The following CBLN3 variants were observed in gnomAD, a reference collection of about 807,000 sequenced individuals.
CBLN3 encodes the protein cerebellin-3.
CBLN3 carries 14 observed loss-of-function variants against 17.4 expected under a neutral mutation model. The ratio of observed to expected loss-of-function variants is 0.81; its 90% CI spans 0.53 to 1.26. The LOEUF is 1.26. Ranked by LOEUF, CBLN3 falls within the 50% of genes most tolerant of loss-of-function variation. The pLI is 0.00. For synonymous variants in CBLN3, 129 were observed against 117.4 expected, an observed-to-expected ratio of 1.10 and a Z score of -0.64; for missense variants, 263 against 268.5, an observed-to-expected ratio of 0.98 and a Z score of 0.14.
At position 24,428,253 on chromosome 14, in the gene CBLN3, T is replaced by G. The variant is rs754332648; in HGVS notation, c.420+33A>C. 8.7e-6 allele frequency: 14 copies of G among 1,611,006 alleles called. No individual in the cohort carries two copies. In the South Asian group the frequency reaches 1.5e-4, roughly 18 times the overall value. Reference sequence around the variant, plus strand: ...CCCTTCTTCCCCCTCCCCACCCTCCTGAGCCGGGGATGGGGGCCAGTGCTG... The same window carrying G: ...CCCTTCTTCCCCCTCCCCACCCTCCGGAGCCGGGGATGGGGGCCAGTGCTG... On this transcript the variant is annotated intron_variant, in intron 2 of 2. Transcript: ENST00000267406.
At position 24,428,808 on chromosome 14, in the gene CBLN3, CATG is replaced by C; in HGVS notation, c.244_246del (p.His82del). The C allele has an allele frequency of 6.2e-7, 1 of 1,611,262 alleles. No individual in the cohort carries two copies. The highest frequency in any genetic ancestry group is 8.5e-7 in the Non-Finnish European group (1 of 1,178,278). On this transcript the variant is annotated inframe_deletion, in exon 1 of 3. Coordinates refer to ENST00000267406, the MANE Select transcript of CBLN3 (RefSeq NM_001039771.3). ...CCATTGCCGGTTTCCCCTGCTGGCTCATGGTGGTGGCTTCGGACCGCAGCAAAT... is the reference window on the plus strand; with the variant it reads ...CCATTGCCGGTTTCCCCTGCTGGCTCGTGGTGGCTTCGGACCGCAGCAAAT...
Position 24,429,213 on chromosome 14 carries a change from C to A in CBLN3, c.-159G>T. On this transcript the variant is annotated 5_prime_UTR_variant, in exon 1 of 3. Transcript: ENST00000267406. ...CCTGTGTCCCAGCTCTGTCCTGCCT[C>A]CCACTCTTACTCCTGCTGTCACTGC... 1 of 729,152 alleles carries A rather than the reference C, an allele frequency of 1.4e-6. No homozygotes were observed. 45.2% of individuals were successfully genotyped at this position (729,152 alleles called of 1,614,324 possible). A position where few individuals can be genotyped will look rare whatever the true frequency, so the allele number is the denominator to read the frequency against.
chr14:24,428,299 C>T lies in CBLN3; in HGVS notation c.407G>A (p.Arg136His), dbSNP rs374246081. Residue 136 changes from arginine (R) to histidine (H), a missense_variant, in exon 2 of 3, where the codon CGC (arginine) becomes CAC (histidine). Coordinates refer to ENST00000267406, the MANE Select transcript of CBLN3 (RefSeq NM_001039771.3). ...TGCTGAGGTCACCTGGACAGTTTGG[C>T]GGTTGTACACCTTCACCACATGGAA... ...FRFHVVKVYN[R>H]QTVQVSLMLN... The T allele has an allele frequency of 1.5e-5, 25 of 1,613,642 alleles. No homozygotes were observed. The highest frequency in any genetic ancestry group is 6.7e-5 in the African/African-American group (5 of 74,886).
Position 24,428,940 on chromosome 14 carries a change from C to T in CBLN3, c.115G>A (p.Val39Ile), listed in dbSNP as rs780458725. 8.4e-6 allele frequency: 13 copies of T among 1,554,646 alleles called. No individual in the cohort carries two copies. Among genetic ancestry groups the T allele is most frequent in the Middle Eastern group, 1.7e-4 (1 of 6,010 alleles). The change falls in exon 1 of 3, where the codon GTC becomes ATC. Residue 39 changes from valine to isoleucine, a missense_variant. By Grantham distance (29) the Val-to-Ile change is conservative. Transcript: ENST00000267406. ...AGWAQEGSEP[V>I]LLEGECLVVC... ...ACCAGGCACTCCCCCTCCAGCAGGACGGGCTCTGACCCCTCCTGGGCCCAC... is the reference window on the plus strand; with the variant it reads ...ACCAGGCACTCCCCCTCCAGCAGGATGGGCTCTGACCCCTCCTGGGCCCAC...
In CBLN3 at chr14:24,429,263, T is replaced by C. The variant is rs1361604427; in HGVS notation, c.-209A>G. 2 of 705,616 alleles carry C rather than the reference T, an allele frequency of 2.8e-6. No homozygotes were observed. Among genetic ancestry groups the C allele is most frequent in the South Asian group, 1.5e-5 (1 of 65,490 alleles). 43.7% of individuals were successfully genotyped at this position (705,616 alleles called of 1,614,324 possible). A position where few individuals can be genotyped will look rare whatever the true frequency, so the allele number is the denominator to read the frequency against. On this transcript the variant is annotated 5_prime_UTR_variant, in exon 1 of 3. It removes an upstream start codon present in the reference 5' UTR. Transcript: ENST00000267406. ...CAGTTCCCTCCTCCTTGGCAGAGCA[T>C]GCAGTGACAGCAGTTGGGCTTTGGG...
In CBLN3 at chr14:24,428,845, C is replaced by G; in HGVS notation, c.210G>C (p.Gly70=). The part of the protein sequence containing the change: ...GGAALGEAPP[G]RVAFAAVRSH... The stretch of plus-strand genomic sequence containing the variant: ...TTCGGACCGCAGCAAATGCCACTCG[C>G]CCAGGGGGTGCCTCTCCCAGGGCTG... The change falls in exon 1 of 3, where the codon GGG becomes GGC. Residue 70 remains glycine (G), a synonymous_variant. Coordinates refer to ENST00000267406, the MANE Select transcript of CBLN3 (RefSeq NM_001039771.3). 6.2e-7 allele frequency: 1 copy of G among 1,612,468 alleles called. No individual in the cohort carries two copies. The highest frequency in any genetic ancestry group is 8.5e-7 in the Non-Finnish European group (1 of 1,179,408).
rs2043034185 is a variant in CBLN3 at position 24,427,756 on chromosome 14, G to A, written c.*33C>T. The stretch of plus-strand genomic sequence containing the variant: ...GAGAGGGCAGAAGAAAGTTGTCAGG[G>A]GCTGGATTCTTGTGCTTGAAAGACT... On this transcript the variant is annotated 3_prime_UTR_variant, in exon 3 of 3. Coordinates refer to ENST00000267406, the MANE Select transcript of CBLN3 (RefSeq NM_001039771.3). The surrounding 1 kb of genome is among the most constrained non-coding windows in gnomAD (Gnocchi z 4.4). 4 of 1,605,838 alleles carry A rather than the reference G, an allele frequency of 2.5e-6. No individual in the cohort carries two copies. In the Admixed American group the frequency reaches 5.0e-5, roughly 20 times the overall value.
rs2043036156 is a variant in CBLN3, at chr14:24,427,894, C to T, written c.513G>A (p.Leu171=). The T allele has an allele frequency of 6.2e-7, 1 of 1,614,052 alleles. No homozygotes were observed. The highest frequency in any genetic ancestry group is 1.7e-5 in the Admixed American group (1 of 60,028). ...TREAATSSVL[L]PLDPGDRVSL... ...ACACTCGGTCCCCAGGGTCCAAGGGCAGTAGCACAGAGCTGGTGGCTGCCT... is the reference window on the plus strand; with the variant it reads ...ACACTCGGTCCCCAGGGTCCAAGGGTAGTAGCACAGAGCTGGTGGCTGCCT... Residue 171 remains leucine (L), a synonymous_variant, in exon 3 of 3, where the codon CTG becomes CTA. Transcript: ENST00000267406. The surrounding 1 kb of genome is among the most constrained non-coding windows in gnomAD (Gnocchi z 4.4).
Position 24,429,608 on chromosome 14 carries a change from C to G in CBLN3, c.-554G>C, listed in dbSNP as rs538802870. ...TCCGCCTCCCGCCTCCCGCCTACCC[C>G]CTCCGCCACGATTGCTTTGGTGGAA... On this transcript the variant is annotated 5_prime_UTR_variant, in exon 1 of 3. Transcript: ENST00000267406. 117 of 971,434 alleles carry G rather than the reference C, an allele frequency of 1.2e-4. No homozygotes were observed. Among genetic ancestry groups the G allele is most frequent in the Admixed American group, 2.3e-4 (6 of 26,336 alleles). 60.2% of individuals were successfully genotyped at this position (971,434 alleles called of 1,614,324 possible). A position where few individuals can be genotyped will look rare whatever the true frequency, so the allele number is the denominator to read the frequency against.
In CBLN3 at chr14:24,428,393, C is replaced by T. The variant is rs746616266; in HGVS notation, c.313G>A (p.Glu105Lys). 25 of 1,613,744 alleles carry T rather than the reference C, an allele frequency of 1.5e-5. No homozygotes were observed. The East Asian group carries it at 1.6e-4, about 10-fold the overall frequency. Residue 105 changes from glutamate (E) to lysine (K), a missense_variant, in exon 2 of 3, where the codon GAG becomes AAG. Coordinates refer to ENST00000267406, the MANE Select transcript of CBLN3 (RefSeq NM_001039771.3). ...AIYFDQVLVN[E>K]GGGFDRASGS... is the part of the protein sequence containing the mutation. Reference sequence around the variant, plus strand: ...GAGGCCCGGTCAAAGCCACCGCCCTCGTTCACCAGGACCTGGGGGAAGCAG... The same window carrying T: ...GAGGCCCGGTCAAAGCCACCGCCCTTGTTCACCAGGACCTGGGGGAAGCAG...
Position 24,428,266 on chromosome 14 carries a change from G to GGGGCCA in CBLN3, c.420+14_420+19dup, listed in dbSNP as rs747272358. 4.3e-6 allele frequency: 7 copies of GGGGCCA among 1,612,608 alleles called. No individual in the cohort carries two copies. The South Asian group carries it at 7.7e-5, about 18-fold the overall frequency. Reference sequence around the variant, plus strand: ...TCCCCACCCTCCTGAGCCGGGGATGGGGGCCAGTGCTGAGGTCACCTGGAC... The same window carrying GGGGCCA: ...TCCCCACCCTCCTGAGCCGGGGATGGGGGCCAGGGCCAGTGCTGAGGTCACCTGGAC... On this transcript the variant is annotated intron_variant, in intron 2 of 2. Coordinates refer to ENST00000267406, the MANE Select transcript of CBLN3 (RefSeq NM_001039771.3).
rs1181281206 is a variant in CBLN3, at chr14:24,429,366, G to A, written c.-312C>T. On this transcript the variant is annotated 5_prime_UTR_variant, in exon 1 of 3. Transcript: ENST00000267406. ...GAGCTTCAGGGCAGCCCTGCTGGAT[G>A]GGACAGCACTGAGGGCTGGACCTGG... is the stretch of plus-strand genomic sequence containing the variant. The A allele has an allele frequency of 1.6e-5, 10 of 625,120 alleles. No individual in the cohort carries two copies. Among genetic ancestry groups the A allele is most frequent in the Middle Eastern group, 2.5e-4 (1 of 4,040 alleles). 38.7% of individuals were successfully genotyped at this position (625,120 alleles called of 1,614,324 possible). A position where few individuals can be genotyped will look rare whatever the true frequency, so the allele number is the denominator to read the frequency against.
In CBLN3 at chr14:24,426,645, T is replaced by C. The variant is rs1302598552; in HGVS notation, c.*1144A>G. On this transcript the variant is annotated 3_prime_UTR_variant, in exon 3 of 3. Transcript: ENST00000267406. The stretch of plus-strand genomic sequence containing the variant: ...AGAGGCATCTTCTCCTTAGTAATTC[T>C]ATAGTGTCTCACTGACCACCATTCT... The C allele has an allele frequency of 2.0e-5, 3 of 152,246 alleles. No individual in the cohort carries two copies. In the East Asian group the frequency reaches 5.8e-4, roughly 29 times the overall value. 9.4% of individuals were successfully genotyped at this position (152,246 alleles called of 1,614,324 possible). A position where few individuals can be genotyped will look rare whatever the true frequency, so the allele number is the denominator to read the frequency against.
At chr14:24,428,652 C>G in intron 1 of CBLN3, 103 bp downstream of exon 1, 2 of 1,338,340 alleles carry the variant, frequency 1.5e-6, no homozygotes, top group Non-Finnish European at 2.0e-6. Context: ...ATGTAGGAAG[C>G]TGTTTTCTTA....
rs770762120 is a variant in CBLN3 at position 24,428,285 on chromosome 14, C to T, written c.420+1G>A. On this transcript the variant is annotated splice_donor_variant, in intron 2 of 2. Coordinates refer to ENST00000267406, the MANE Select transcript of CBLN3 (RefSeq NM_001039771.3). LOFTEE classifies it high-confidence loss of function. The stretch of plus-strand genomic sequence containing the variant: ...GGGATGGGGGCCAGTGCTGAGGTCA[C>T]CTGGACAGTTTGGCGGTTGTACACC... 3 of 1,613,770 alleles carry T rather than the reference C, an allele frequency of 1.9e-6. No homozygotes were observed. Among genetic ancestry groups the T allele is most frequent in the South Asian group, 2.2e-5 (2 of 91,066 alleles).
At position 24,428,846 on chromosome 14, in the gene CBLN3, C is replaced by G; in HGVS notation, c.209G>C (p.Gly70Ala). The G allele has an allele frequency of 6.2e-7, 1 of 1,612,330 alleles. No homozygotes were observed. The highest frequency in any genetic ancestry group is 8.5e-7 in the Non-Finnish European group (1 of 1,179,358). ...GGAALGEAPP[G>A]RVAFAAVRSH... Reference sequence around the variant, plus strand: ...TCGGACCGCAGCAAATGCCACTCGCCCAGGGGGTGCCTCTCCCAGGGCTGC... The same window carrying G: ...TCGGACCGCAGCAAATGCCACTCGCGCAGGGGGTGCCTCTCCCAGGGCTGC... The change falls in exon 1 of 3, where the codon GGG (glycine) becomes GCG (alanine). Residue 70 changes from glycine (G) to alanine (A), a missense_variant. By Grantham distance (60) the Gly-to-Ala change is moderately conservative. Coordinates refer to ENST00000267406, the MANE Select transcript of CBLN3 (RefSeq NM_001039771.3).
chr14:24,429,636 T>G lies in CBLN3; in HGVS notation c.-582A>C. ...CCGCCACGATTGCTTTGGTGGAAAG[T>G]GCTTGGGCCTAGAGCACCAGTGGGC... On this transcript the variant is annotated 5_prime_UTR_variant, in exon 1 of 3. Coordinates refer to ENST00000267406, the MANE Select transcript of CBLN3 (RefSeq NM_001039771.3). 1 of 1,126,670 alleles carries G rather than the reference T, an allele frequency of 8.9e-7. No homozygotes were observed. The highest frequency in any genetic ancestry group is 1.1e-6 in the Non-Finnish European group (1 of 893,472). The allele number at this position is 1,126,670 out of a possible 1,614,324, so 69.8% of individuals were successfully genotyped here. A position where few individuals can be genotyped will look rare whatever the true frequency, so the allele number is the denominator to read the frequency against.
In CBLN3 at chr14:24,427,028, C is replaced by G. The variant is rs927353538; in HGVS notation, c.*761G>C. ...GATGTTTTCCATGGTCCACTTCCAG[C>G]TCTGTATACCTGCTCTCAGCTCTGC... On this transcript the variant is annotated 3_prime_UTR_variant, in exon 3 of 3. Coordinates refer to ENST00000267406, the MANE Select transcript of CBLN3 (RefSeq NM_001039771.3). The surrounding 1 kb of genome is among the most constrained non-coding windows in gnomAD (Gnocchi z 4.4). The G allele has an allele frequency of 6.6e-6, 1 of 152,226 alleles. No homozygotes were observed. Among genetic ancestry groups the G allele is most frequent in the Non-Finnish European group, 1.5e-5 (1 of 68,074 alleles). The allele number at this position is 152,226 out of a possible 1,614,324, so 9.4% of individuals were successfully genotyped here. A position where few individuals can be genotyped will look rare whatever the true frequency, so the allele number is the denominator to read the frequency against.
intron 1 of CBLN3, 86 bp from the exon 2 acceptor site, chr14:24,428,491 G>A: frequency 6.7e-7 from 1 of 1,492,940 alleles, no homozygotes; most frequent in Non-Finnish European, 9.2e-7. Flanking sequence ...GGGGCAGTGA[G>A]TAATGAATAG....
Sources: allele counts gnomAD v4.1 joint callset, GRCh38; gene constraint gnomAD v4.1.1; non-coding constraint Gnocchi (gnomAD v3.1); transcripts MANE v1.5; gene names NCBI Gene and HGNC (gene_info 2026-07-23, HGNC 2026-07-21).